RGS22: variants seen among roughly 807,000 people sequenced by gnomAD.
RGS22 encodes regulator of G protein signaling 22.
In RGS22, 148 loss-of-function variants were observed where a neutral mutation model predicts 172.9. The observed-to-expected ratio is 0.86, with a 90% CI of 0.75 to 0.98. The LOEUF (loss-of-function observed/expected upper bound fraction) is 0.98. Ranked by LOEUF, RGS22 falls within the 50% of genes least tolerant of loss-of-function variation. The pLI is 0.00. For missense variants in RGS22, 1,347 were observed against 1,440.8 expected, an observed-to-expected ratio of 0.93 and a Z score of 1.05; for synonymous variants, 458 against 480.2, an observed-to-expected ratio of 0.95 and a Z score of 0.60.
chr8:99,988,172 A>G (rs1201532435), intron 20 of RGS22, among the ~76,000 whole-genome samples: 1 of 151,554 alleles, frequency 6.6e-6, no homozygotes, highest in East Asian at 1.9e-4. Flanking sequence ...AGACATCTTT[A>G]TGTTATTTTT....
intron 16 of RGS22, among the ~76,000 whole-genome samples, chr8:100,004,359 G>A (rs531746395): frequency 1.3e-5 from 2 of 151,902 alleles, no homozygotes; most frequent in Admixed American, 1.3e-4. Flanking sequence ...GCACTTGCTT[G>A]TAAATTATTA....
At chr8:100,094,799 A>G (rs1439413585) in intron 2 of RGS22, among the ~76,000 whole-genome samples, 1 of 152,238 alleles carries the variant, frequency 6.6e-6, no homozygotes, top group Non-Finnish European at 1.5e-5. Flanking sequence ...TACTGTATTT[A>G]GTGGACTATC....
At chr8:99,965,532 T>C in intron 23 of RGS22, 102 bp from the exon 24 acceptor site, 3 of 810,016 alleles carry the variant, frequency 3.7e-6, no homozygotes, top group South Asian at 1.7e-5. Flanking sequence ...TAATATTTCA[T>C]AGTGAGTGCT....
intron 14 of RGS22, among the ~76,000 whole-genome samples, chr8:100,035,909 G>A (rs1453499814): frequency 1.3e-5 from 2 of 152,142 alleles, no homozygotes; most frequent in African/African-American, 2.4e-5. Flanking sequence ...ATTGAACAGT[G>A]AGAACTCTTG....
At chr8:100,071,603 C>A in intron 5 of RGS22, 66 bp from the exon 6 acceptor site, 1 of 1,389,908 alleles carries the variant, frequency 7.2e-7, no homozygotes, top group Non-Finnish European at 9.8e-7. Flanking sequence ...GGGAAAAAAC[C>A]TAAAATTTTA....
At chr8:100,064,356 T>C (rs1261072683) in intron 7 of RGS22, among the ~76,000 whole-genome samples, 1 of 151,908 alleles carries the variant, frequency 6.6e-6, no homozygotes, top group Non-Finnish European at 1.5e-5. Flanking sequence ...CCAGCTACTC[T>C]GGAGGCTGAG....
intron 2 of RGS22, among the ~76,000 whole-genome samples, chr8:100,094,991 T>C (rs911569110): frequency 3.3e-5 from 5 of 152,230 alleles, no homozygotes; most frequent in Non-Finnish European, 7.3e-5. Context: ...TTTTCTAAAG[T>C]ATACATTTCA....
At position 100,003,924 on chromosome 8, in the gene RGS22, A is replaced by G; in HGVS notation, c.2627+2T>C. On this transcript the variant is annotated splice_donor_variant, in intron 17 of 27. Transcript: ENST00000360863. LOFTEE classifies it high-confidence loss of function. ...TGAGAAATATATGGTTATGTCCCTC[A>G]CCTTGAAGAATGAGTCTCAAGAAAC... 3 of 1,601,836 alleles carry G rather than the reference A, an allele frequency of 1.9e-6. No homozygotes were observed. The highest frequency in any genetic ancestry group is 2.6e-6 in the Non-Finnish European group (3 of 1,173,516).
chr8:100,070,708 T>C (rs1183229100), intron 6 of RGS22, among the ~76,000 whole-genome samples: 1 of 152,216 alleles, frequency 6.6e-6, no homozygotes, highest in Non-Finnish European at 1.5e-5. Flanking sequence ...GCAGAGCAAA[T>C]TAGTTAGCAT....
intron 12 of RGS22, 113 bp downstream of exon 12, chr8:100,041,689 T>C (rs1321194054): frequency 1.5e-5 from 9 of 593,626 alleles, no homozygotes; most frequent in Non-Finnish European, 2.6e-5. Context: ...AAATCAAATG[T>C]GTTGCTTAGT....
intron 14 of RGS22, among the ~76,000 whole-genome samples, chr8:100,033,079 T>C (rs1398041509): frequency 1.3e-5 from 2 of 152,054 alleles, no homozygotes; most frequent in African/African-American, 2.4e-5. Flanking sequence ...AGACCTAAAA[T>C]TGACACCCTA....
chr8:100,081,038 C>T (rs1811715817), intron 3 of RGS22, among the ~76,000 whole-genome samples: 1 of 152,162 alleles, frequency 6.6e-6, no homozygotes, highest in African/African-American at 2.4e-5. Context: ...GGGGCCTCCA[C>T]TTCCGTAAGA....
At chr8:99,994,847 G>C (rs549641961) in intron 20 of RGS22, among the ~76,000 whole-genome samples, 10 of 152,218 alleles carry the variant, frequency 6.6e-5, no homozygotes, top group Non-Finnish European at 1.2e-4. Context: ...GAGGCATCAC[G>C]CTACCTGACT....
intron 3 of RGS22, among the ~76,000 whole-genome samples, chr8:100,090,545 C>G (rs3101311): frequency 0.16 from 24,429 of 152,038 alleles, 2,585 homozygotes; most frequent in African/African-American, 0.3. Flanking sequence ...TATGGTTAGT[C>G]AACCAGTTCA....
At chr8:99,985,748 G>T (rs2131233980) in intron 21 of RGS22, among the ~76,000 whole-genome samples, 2 of 152,204 alleles carry the variant, frequency 1.3e-5, no homozygotes, top group African/African-American at 4.8e-5. Flanking sequence ...GAGACCAAGG[G>T]CAGCCTTAAA....
intron 3 of RGS22, among the ~76,000 whole-genome samples, chr8:100,089,608 C>G (rs886606417): frequency 5.3e-5 from 8 of 152,090 alleles, no homozygotes; most frequent in African/African-American, 1.9e-4. Flanking sequence ...TAACATATGG[C>G]ACCAAAAATG....
intron 2 of RGS22, among the ~76,000 whole-genome samples, chr8:100,098,162 CAT>C (rs57182765): frequency 0.022 from 3,340 of 152,248 alleles, 120 homozygotes; most frequent in African/African-American, 0.076. Context: ...TAATTGTTTA[CAT>C]GTCTCATCCA....
rs183825524 is a variant in RGS22 at position 100,032,724 on chromosome 8, G to T, written c.2166+6207C>A. Among the ~76,000 whole-genome samples the T allele has an allele frequency of 3.5e-3, 534 of 152,246 alleles. 2 individuals are homozygous for T. The highest frequency in any genetic ancestry group is 0.012 in the African/African-American group (493 of 41,546). ...ATCAACAGAATATACATTCTTCTCA[G>T]CACCACATAGCACTTATTCTAAAAT... is the stretch of plus-strand genomic sequence containing the variant. On this transcript the variant is annotated intron_variant, in intron 14 of 27. Coordinates refer to ENST00000360863, the MANE Select transcript of RGS22 (RefSeq NM_015668.5).
intron 10 of RGS22, 77 bp downstream of exon 10, chr8:100,052,725 T>C (rs1420000416): frequency 1.6e-5 from 20 of 1,270,800 alleles, no homozygotes; most frequent in Non-Finnish European, 1.9e-5. Flanking sequence ...TAATGAAAAT[T>C]ATCAGTGCAC....
Sources: allele counts gnomAD v4.1 joint callset (sites outside exome capture counted in the v4.1 genomes callset), GRCh38; gene constraint gnomAD v4.1.1; transcripts MANE v1.5; gene names NCBI Gene and HGNC (gene_info 2026-07-23, HGNC 2026-07-21).